Variants in DOCK11 observed in about 807,000 individuals in gnomAD.
DOCK11 encodes dedicator of cytokinesis 11.
A neutral mutation model predicts 169.1 loss-of-function variants in DOCK11; 70 were observed. The observed-to-expected ratio is 0.41, with a 90% CI of 0.34 to 0.51. The LOEUF (loss-of-function observed/expected upper bound fraction) is 0.51. Ranked by LOEUF, DOCK11 falls within the 20% of genes least tolerant of loss-of-function variation. The pLI, the probability that DOCK11 is intolerant of heterozygous loss-of-function variation, is 0.10. For synonymous variants in DOCK11, 529 were observed against 541.3 expected (o/e 0.98, Z 0.32); for missense variants, 1,166 against 1,538.8 (o/e 0.76, Z 4.05).
chrX:118,607,581 C>T (rs1179372696), intron 24 of DOCK11, among the ~76,000 whole-genome samples: 1 of 109,256 alleles, frequency 9.2e-6, no homozygotes, highest in Non-Finnish European at 1.9e-5. Context: ...GCCACCGCGC[C>T]TGGCTAATTT....
At chrX:118,628,302 A>C (rs933300708) in intron 34 of DOCK11, 30 bp downstream of exon 34, 3 of 1,025,794 alleles carry the variant, frequency 2.9e-6, no homozygotes, top group Non-Finnish European at 4.1e-6. Flanking sequence ...GGATGACCCT[A>C]GTGACACATT....
chrX:118,648,908 ATT>A, intron 40 of DOCK11, 35 bp from the exon 41 acceptor site: 2 of 1,122,556 alleles, frequency 1.8e-6, no homozygotes, highest in Non-Finnish European at 2.4e-6. Context: ...TTATGATTGG[ATT>A]TTAAATACTT....
At chrX:118,616,160 T>C (rs1336614666) in intron 30 of DOCK11, 2 of 843,216 alleles carry the variant, frequency 2.4e-6, no homozygotes, top group East Asian at 1.6e-4. Context: ...CTTATGTTAC[T>C]ATGTTTTTTA....
chrX:118,624,172 A>C (rs186906494), intron 31 of DOCK11, among the ~76,000 whole-genome samples: 33 of 112,956 alleles, frequency 2.9e-4, no homozygotes, highest in Middle Eastern at 9.2e-3. Flanking sequence ...GGCATTGGGG[A>C]TGAAGCAGTG....
intron 6 of DOCK11, among the ~76,000 whole-genome samples, chrX:118,556,954 A>T (rs5910375): frequency 0.44 from 48,279 of 109,317 alleles, 7,861 homozygotes; most frequent in East Asian, 0.67. Flanking sequence ...GTTCACCATC[A>T]AACAAAAATA....
intron 32 of DOCK11, among the ~76,000 whole-genome samples, chrX:118,624,883 C>CGA (rs2015063532): frequency 9.3e-6 from 1 of 107,431 alleles, no homozygotes; most frequent in African/African-American, 3.4e-5. Context: ...TTTGGCCTCC[C>CGA]GAGTGGCTGG....
intron 8 of DOCK11, among the ~76,000 whole-genome samples, 186 bp downstream of exon 8, chrX:118,566,368 T>A (rs185711181): frequency 6.5e-4 from 73 of 112,050 alleles, no homozygotes; most frequent in African/African-American, 2.0e-3. Context: ...CTCTGACATA[T>A]GAAATATAAC....
chrX:118,552,334 C>T (rs2012526170), intron 6 of DOCK11, among the ~76,000 whole-genome samples: 1 of 111,537 alleles, frequency 9.0e-6, no homozygotes, highest in East Asian at 2.8e-4. Context: ...ACATTCAAGT[C>T]GACAGTTCTT....
At chrX:118,557,249 A>G (rs1364041691) in intron 6 of DOCK11, among the ~76,000 whole-genome samples, 1 of 111,309 alleles carries the variant, frequency 9.0e-6, no homozygotes, top group Admixed American at 9.6e-5. Context: ...CATGAAAAAG[A>G]CATAACTGGG....
intron 1 of DOCK11, among the ~76,000 whole-genome samples, chrX:118,505,416 G>C (rs1473951118): frequency 8.9e-6 from 1 of 112,325 alleles, no homozygotes; most frequent in Middle Eastern, 4.2e-3. Flanking sequence ...CTGTTGGCTC[G>C]CATTATCATC....
chrX:118,531,412 C>CAAAAAAAAA (rs60932296), intron 1 of DOCK11, among the ~76,000 whole-genome samples: 5 of 29,205 alleles, frequency 1.7e-4, no homozygotes, highest in Admixed American at 6.1e-4. Context: ...GCCATATACT[C>CAAAAAAAAA]AAAAAAAAAA....
intron 1 of DOCK11, among the ~76,000 whole-genome samples, chrX:118,530,956 G>A (rs761110463): frequency 1.2e-4 from 13 of 111,748 alleles, no homozygotes; most frequent in East Asian, 8.4e-4. Context: ...AAGAGCCCTC[G>A]GGGAATGACA....
intron 28 of DOCK11, among the ~76,000 whole-genome samples, chrX:118,613,309 C>G (rs1473332305): frequency 8.9e-6 from 1 of 111,921 alleles, no homozygotes; most frequent in Non-Finnish European, 1.9e-5. Context: ...TGATGAGGGT[C>G]TTACCCTGGG....
At chrX:118,528,374 C>T (rs1304392193) in intron 1 of DOCK11, among the ~76,000 whole-genome samples, 5 of 111,886 alleles carry the variant, frequency 4.5e-5, no homozygotes, top group African/African-American at 1.3e-4. Flanking sequence ...GGAGTGGCGG[C>T]GGATGGCGGA....
chrX:118,574,337 G>A (rs111254366), intron 12 of DOCK11, among the ~76,000 whole-genome samples: 10 of 111,431 alleles, frequency 9.0e-5, no homozygotes, highest in South Asian at 7.5e-4. Flanking sequence ...AGGCTGAGGC[G>A]GGCAGATCAC....
intron 52 of DOCK11, among the ~76,000 whole-genome samples, chrX:118,684,585 T>G (rs921395604): frequency 9.0e-6 from 1 of 111,470 alleles, no homozygotes; most frequent in Non-Finnish European, 1.9e-5. Flanking sequence ...CTTTTGATTT[T>G]TAAAAGGATT....
chrX:118,614,811 A>G (rs2014768759), intron 29 of DOCK11, 36 bp downstream of exon 29: 1 of 952,640 alleles, frequency 1.0e-6, no homozygotes, highest in Non-Finnish European at 1.5e-6. Context: ...TGGATGTCAG[A>G]CATCTGAGCA....
intron 1 of DOCK11, among the ~76,000 whole-genome samples, chrX:118,505,247 G>T (rs982800030): frequency 1.7e-4 from 19 of 111,881 alleles, no homozygotes; most frequent in Non-Finnish European, 1.9e-5. Context: ...GGCTGGTCTC[G>T]AACTCCTGAC....
At chrX:118,620,344 G>T (rs1361553430) in intron 31 of DOCK11, among the ~76,000 whole-genome samples, 1 of 111,352 alleles carries the variant, frequency 9.0e-6, no homozygotes, top group East Asian at 2.8e-4. Flanking sequence ...CGGTCATTTT[G>T]GAAGGCTGAC....
Sources: allele counts gnomAD v4.1 joint callset (sites outside exome capture counted in the v4.1 genomes callset), GRCh38; gene constraint gnomAD v4.1.1; transcripts MANE v1.5; gene names NCBI Gene and HGNC (gene_info 2026-07-23, HGNC 2026-07-21).